The following GLTP variants were observed in gnomAD, a reference collection of about 807,000 sequenced individuals.
The protein encoded by GLTP is glycolipid transfer protein.
A neutral mutation model predicts 24.0 loss-of-function variants in GLTP; 22 were observed. The ratio of observed to expected loss-of-function variants is 0.92; its 90% confidence interval spans 0.65 to 1.31. The LOEUF is 1.31. GLTP is among the 50% of genes most tolerant of loss of function. GLTP has a pLI of 0.00. For missense variants in GLTP, 224 were observed against 276.6 expected (o/e 0.81, Z 1.35); for synonymous variants, 92 against 115.9 (o/e 0.79, Z 1.33).
intron 1 of GLTP, among the ~76,000 whole-genome samples, chr12:109,864,030 C>T (rs1267815442): frequency 6.6e-6 from 1 of 152,212 alleles, no homozygotes; most frequent in African/African-American, 2.4e-5. Context: ...CTACGAGGGT[C>T]ACGAGGCCAC....
At chr12:109,871,773 T>C (rs979308585) in intron 1 of GLTP, among the ~76,000 whole-genome samples, 1 of 152,264 alleles carries the variant, frequency 6.6e-6, no homozygotes, top group Non-Finnish European at 1.5e-5. Flanking sequence ...ATACGTTATA[T>C]TTTATAAAGC....
chr12:109,863,954 T>A (rs1307763456), intron 1 of GLTP, among the ~76,000 whole-genome samples: 1 of 152,192 alleles, frequency 6.6e-6, no homozygotes, highest in African/African-American at 2.4e-5. Flanking sequence ...CCTTGTGCAG[T>A]TCTGAGCAGC....
At chr12:109,858,787 A>G (rs565458061) in intron 1 of GLTP, 46 bp from the exon 2 acceptor site, 1 of 1,324,464 alleles carries the variant, frequency 7.6e-7, no homozygotes, top group Admixed American at 1.7e-5. Context: ...AGCAAGAGTG[A>G]TTTTTCAGGG....
intron 1 of GLTP, among the ~76,000 whole-genome samples, chr12:109,869,622 A>AT (rs1186003385): frequency 0.011 from 1,441 of 136,810 alleles, 15 homozygotes; most frequent in African/African-American, 0.031. Context: ...CACCCAGCTA[A>AT]TTTTTTTTTT....
chr12:109,853,287 G>T (rs1218376208), intron 4 of GLTP, among the ~76,000 whole-genome samples: 2 of 152,056 alleles, frequency 1.3e-5, no homozygotes, highest in Non-Finnish European at 2.9e-5. Context: ...TTTGTCCTTA[G>T]GGGGGCGATA....
At chr12:109,858,574 C>G in intron 2 of GLTP, 109 bp downstream of exon 2, 1 of 802,450 alleles carries the variant, frequency 1.2e-6, no homozygotes, top group South Asian at 1.4e-5. Context: ...GTCTCCATTC[C>G]CTTCCTTGGG....
At chr12:109,861,997 A>G (rs922412354) in intron 1 of GLTP, among the ~76,000 whole-genome samples, 2 of 152,056 alleles carry the variant, frequency 1.3e-5, no homozygotes, top group Non-Finnish European at 2.9e-5. Context: ...TGGGGCTGCC[A>G]CCTTGACCTG....
chr12:109,875,197 TCAGAGTCA>T (rs1415845177), intron 1 of GLTP, among the ~76,000 whole-genome samples: 1 of 152,106 alleles, frequency 6.6e-6, no homozygotes, highest in African/African-American at 2.4e-5. Context: ...TTGAAATAAC[TCAGAGTCA>T]CAGAATATGA....
At position 109,852,725 on chromosome 12, in the gene GLTP, C is replaced by A; in HGVS notation, c.460G>T (p.Ala154Ser). Residue 154 changes from alanine (A) to serine (S), a missense_variant, in exon 5 of 5, where the codon GCA becomes TCA. Ala to Ser is a moderately conservative substitution (Grantham distance 99, BLOSUM62 1). Coordinates refer to ENST00000318348, the MANE Select transcript of GLTP (RefSeq NM_016433.4). ...AGGAAGTCAGACTTATAGGGTGCTG[C>A]GTACAGTGCTGCCTTGAGACAGGCA... ...VQKIFQAALY[A>S]APYKSDFLKA... is the part of the protein sequence containing the mutation. 6.2e-7 allele frequency: 1 copy of A among 1,610,976 alleles called. No homozygotes were observed. The highest frequency in any genetic ancestry group is 1.1e-5 in the South Asian group (1 of 90,968).
At chr12:109,879,792 T>C (rs1869008443) in intron 1 of GLTP, among the ~76,000 whole-genome samples, 1 of 151,900 alleles carries the variant, frequency 6.6e-6, no homozygotes, top group Non-Finnish European at 1.5e-5. Flanking sequence ...GTAGGTCCCA[T>C]GAGGGAGAGG....
chr12:109,875,528 A>G (rs751764335), intron 1 of GLTP, among the ~76,000 whole-genome samples: 1 of 152,184 alleles, frequency 6.6e-6, no homozygotes, highest in Non-Finnish European at 1.5e-5. Context: ...CTGCCCTCCC[A>G]TTGTTAATGC....
chr12:109,868,104 A>C (rs958763136), intron 1 of GLTP, among the ~76,000 whole-genome samples: 2 of 152,256 alleles, frequency 1.3e-5, no homozygotes, highest in African/African-American at 4.8e-5. Context: ...TCCGAGGCTC[A>C]AGTGATCCTC....
At chr12:109,863,713 G>T (rs1868437068) in intron 1 of GLTP, among the ~76,000 whole-genome samples, 1 of 152,180 alleles carries the variant, frequency 6.6e-6, no homozygotes, top group South Asian at 2.1e-4. Context: ...TCTTCTGCAG[G>T]GCTGCTGTGA....
chr12:109,861,080 G>A (rs1444780679), intron 1 of GLTP, among the ~76,000 whole-genome samples: 2 of 152,118 alleles, frequency 1.3e-5, no homozygotes, highest in African/African-American at 2.4e-5. Context: ...GGAGTGAAAG[G>A]CCAATACCCA....
intron 1 of GLTP, among the ~76,000 whole-genome samples, chr12:109,864,787 G>C (rs775732602): frequency 1.3e-5 from 2 of 152,136 alleles, no homozygotes; most frequent in African/African-American, 2.4e-5. Context: ...ACCAGAAGAC[G>C]ATTTTAATTC....
Position 109,855,536 on chromosome 12 carries a change from AG to A in GLTP, c.447+82del. ...GGGGGTAAACACAGCCTCACAGGCCAGGAGGCCTCGGCTAAGCAGGGGCAGA... is the reference window on the plus strand; with the variant it reads ...GGGGGTAAACACAGCCTCACAGGCCAGAGGCCTCGGCTAAGCAGGGGCAGA... On this transcript the variant is annotated intron_variant, in intron 4 of 4. Coordinates refer to ENST00000318348, the MANE Select transcript of GLTP (RefSeq NM_016433.4). The surrounding 1 kb of genome is among the most constrained non-coding windows in gnomAD (Gnocchi z 4.1). The A allele has an allele frequency of 8.0e-7, 1 of 1,255,730 alleles. No homozygotes were observed. Among genetic ancestry groups the A allele is most frequent in the Non-Finnish European group, 1.1e-6 (1 of 906,180 alleles). The allele number at this position is 1,255,730 out of a possible 1,614,324, so 77.8% of individuals were successfully genotyped here. A position where few individuals can be genotyped will look rare whatever the true frequency, so the allele number is the denominator to read the frequency against.
chr12:109,856,735 T>G (rs567993846), intron 3 of GLTP, among the ~76,000 whole-genome samples: 1 of 152,266 alleles, frequency 6.6e-6, no homozygotes, highest in South Asian at 2.1e-4. Flanking sequence ...GAGTTCAAAC[T>G]AGCCCATAGG....
At position 109,863,953 on chromosome 12, in the gene GLTP, G is replaced by C. The variant is rs1000760641; in HGVS notation, c.104-5212C>G. 3.3e-5 allele frequency among the ~76,000 whole-genome samples: 5 copies of C among 152,234 alleles called. No homozygotes were observed. The East Asian group carries it at 7.7e-4, about 23-fold the overall frequency. On this transcript the variant is annotated intron_variant, in intron 1 of 4. Transcript: ENST00000318348. ...AAATGTTATGCAGCATCCTTGTGCA[G>C]TTCTGAGCAGCCCTGCCCTGGTGGC... is the stretch of plus-strand genomic sequence containing the variant.
Position 109,858,696 on chromosome 12 carries a change from C to A in GLTP, c.149G>T (p.Ser50Ile), listed in dbSNP as rs1243830982. Reference sequence around the variant, plus strand: ...CCAGGTACATACCGTGATGTTGCCGCTTATGTCTGCCTTGATGGGAGTAAA... The same window carrying A: ...CCAGGTACATACCGTGATGTTGCCGATTATGTCTGCCTTGATGGGAGTAAA... ...PVFTPIKADI[S>I]GNITKIKAVY... The change falls in exon 2 of 5, where the codon AGC becomes ATC. Residue 50 changes from serine to isoleucine, a missense_variant. Ser to Ile is a moderately radical substitution (Grantham distance 142, BLOSUM62 -2). Transcript: ENST00000318348. The A allele has an allele frequency of 6.2e-7, 1 of 1,612,978 alleles. No homozygotes were observed. Among genetic ancestry groups the A allele is most frequent in the Non-Finnish European group, 8.5e-7 (1 of 1,179,066 alleles).
Sources: allele counts gnomAD v4.1 joint callset (sites outside exome capture counted in the v4.1 genomes callset), GRCh38; gene constraint gnomAD v4.1.1; non-coding constraint Gnocchi (gnomAD v3.1); transcripts MANE v1.5; gene names NCBI Gene and HGNC (gene_info 2026-07-23, HGNC 2026-07-21).